The following TSNARE1 variants were observed in gnomAD, a reference collection of about 807,000 sequenced individuals.
TSNARE1 encodes the protein t-SNARE domain-containing protein 1.
TSNARE1 carries 49 observed loss-of-function variants against 62.0 expected under a neutral mutation model. That is an observed-to-expected ratio of 0.79 (90% CI 0.63 to 1.00). The LOEUF is 1.00. Among genes scored for constraint, TSNARE1 ranks in the 50% least tolerant of loss-of-function variants. TSNARE1 has a pLI of 0.00. For synonymous variants in TSNARE1, 328 were observed against 294.4 expected (o/e 1.11, Z -1.17); for missense variants, 755 against 700.1 (o/e 1.08, Z -0.88).
At chr8:142,322,671 C>T (rs1204925269) in intron 6 of TSNARE1, among the ~76,000 whole-genome samples, 4 of 152,106 alleles carry the variant, frequency 2.6e-5, no homozygotes, top group Admixed American at 6.5e-5. Context: ...AGCCTGTGTC[C>T]GTGGGCTGGA....
At chr8:142,313,194 CTG>C (rs1186868727) in intron 9 of TSNARE1, among the ~76,000 whole-genome samples, 2 of 152,002 alleles carry the variant, frequency 1.3e-5, no homozygotes, top group South Asian at 2.1e-4. Context: ...GTCTACATGT[CTG>C]TGTTTATCTG....
chr8:142,375,298 G>A (rs1836246280), intron 1 of TSNARE1, among the ~76,000 whole-genome samples: 1 of 152,256 alleles, frequency 6.6e-6, no homozygotes, highest in African/African-American at 2.4e-5. Flanking sequence ...CACACCCAGG[G>A]CCTGGCCTGT....
chr8:142,387,144 T>A (rs1837166623), intron 1 of TSNARE1, among the ~76,000 whole-genome samples: 1 of 152,184 alleles, frequency 6.6e-6, no homozygotes, highest in Admixed American at 6.5e-5. Flanking sequence ...ACTGGAATAG[T>A]AACAAAATCA....
chr8:142,362,461 G>A (rs1835235975), intron 1 of TSNARE1, among the ~76,000 whole-genome samples: 1 of 152,188 alleles, frequency 6.6e-6, no homozygotes, highest in African/African-American at 2.4e-5. Flanking sequence ...ACTTTCTGCT[G>A]CTGTAACAGA....
At chr8:142,266,255 A>G (rs1366847264) in intron 12 of TSNARE1, among the ~76,000 whole-genome samples, 1 of 152,252 alleles carries the variant, frequency 6.6e-6, no homozygotes, top group East Asian at 1.9e-4. Context: ...ACATTCTAGT[A>G]ATTATGGACT....
chr8:142,328,535 T>C (rs907598925), intron 6 of TSNARE1, among the ~76,000 whole-genome samples: 1 of 152,074 alleles, frequency 6.6e-6, no homozygotes, highest in African/African-American at 2.4e-5. Flanking sequence ...GTGGCAGGAG[T>C]GCTAACAGGC....
intron 11 of TSNARE1, chr8:142,275,085 G>T: frequency 1.0e-6 from 1 of 985,414 alleles, no homozygotes; most frequent in Non-Finnish European, 1.2e-6. Context: ...GTGGCCCAGG[G>T]AAGGGGACTC....
At chr8:142,403,877 A>C (rs1458383421), upstream of TSNARE1, 1 of 152,124 alleles carries the variant, frequency 6.6e-6, no homozygotes. Context: ...GCGGGCACTG[A>C]GCTCCCGAAA....
At chr8:142,267,010 G>A (rs577552490) in intron 12 of TSNARE1, among the ~76,000 whole-genome samples, 23 of 152,128 alleles carry the variant, frequency 1.5e-4, no homozygotes, top group African/African-American at 4.6e-4. Context: ...TTCACAGATC[G>A]GCCTAATCAC....
rs1563762859 is a variant in TSNARE1, at chr8:142,229,495, CAG to C, written c.1529_1530del (p.Ser510CysfsTer76). On this transcript the variant is annotated frameshift_variant, in exon 13 of 14. Transcript: ENST00000524325. LOFTEE classifies it high-confidence loss of function. Reference protein sequence around the residue: ...LLVIIIIIATSVRK With the variant: ...LLVIIIIIATXVRK ...CACCACGGGTAGCATCACTTTCGGA[CAG>C]AGGTGGCGATGATGATGATGATGAC... The C allele has an allele frequency of 2.5e-6, 4 of 1,613,924 alleles. No homozygotes were observed. The highest frequency in any genetic ancestry group is 3.4e-6 in the Non-Finnish European group (4 of 1,180,000).
At chr8:142,273,969 C>T (rs564578716) in intron 12 of TSNARE1, 3 of 985,284 alleles carry the variant, frequency 3.0e-6, no homozygotes, top group African/African-American at 1.7e-5. Context: ...TGCACCATCT[C>T]GTCTGCCAAT....
At chr8:142,331,635 G>T (rs891751555) in intron 5 of TSNARE1, 119 bp downstream of exon 5, 59 of 972,854 alleles carry the variant, frequency 6.1e-5, no homozygotes, top group Middle Eastern at 4.2e-4. Context: ...ACGAAACCCG[G>T]GACTGCACCG....
At chr8:142,227,294 C>T (rs1275510334) in intron 13 of TSNARE1, among the ~76,000 whole-genome samples, 9 of 145,802 alleles carry the variant, frequency 6.2e-5, no homozygotes, top group East Asian at 2.0e-4. Flanking sequence ...ACAACAGTGA[C>T]AGCCAGGACC....
Position 142,268,472 on chromosome 8 carries a change from G to A in TSNARE1, c.1446+6309C>T, listed in dbSNP as rs1016418324. On this transcript the variant is annotated intron_variant, in intron 12 of 13. Transcript: ENST00000524325. ...GTGATTACTGCCAAATCGCCTTGGAGGCCTCTGCTGTCCGTCCTGCAGGGA... is the reference window on the plus strand; with the variant it reads ...GTGATTACTGCCAAATCGCCTTGGAAGCCTCTGCTGTCCGTCCTGCAGGGA... Among the ~76,000 whole-genome samples, 3 of 152,204 alleles carry A rather than the reference G, an allele frequency of 2.0e-5. No homozygotes were observed. The South Asian group carries it at 6.2e-4, about 31-fold the overall frequency.
At chr8:142,375,459 G>C (rs913317075) in intron 1 of TSNARE1, among the ~76,000 whole-genome samples, 3 of 152,218 alleles carry the variant, frequency 2.0e-5, no homozygotes, top group Admixed American at 6.5e-5. Flanking sequence ...CGCAGGCCCT[G>C]GCAGGGCAGG....
intron 1 of TSNARE1, among the ~76,000 whole-genome samples, chr8:142,385,635 C>T (rs1475425897): frequency 1.3e-5 from 2 of 152,100 alleles, no homozygotes; most frequent in East Asian, 3.9e-4. Context: ...TCATTTAAAG[C>T]TGACATTTCA....
At chr8:142,366,095 G>A in intron 1 of TSNARE1, 1 of 310,694 alleles carries the variant, frequency 3.2e-6, no homozygotes, top group South Asian at 2.5e-5. Flanking sequence ...GGAGTGCAGT[G>A]GCACAATCTC....
intron 10 of TSNARE1, among the ~76,000 whole-genome samples, chr8:142,288,578 C>A (rs1297100526): frequency 6.6e-6 from 1 of 152,250 alleles, no homozygotes; most frequent in Non-Finnish European, 1.5e-5. Context: ...AGTGCTGGTG[C>A]CGAGGATGCG....
intron 12 of TSNARE1, among the ~76,000 whole-genome samples, chr8:142,258,288 C>T (rs1404809263): frequency 6.6e-6 from 1 of 152,154 alleles, no homozygotes; most frequent in Non-Finnish European, 1.5e-5. Flanking sequence ...CACACAAATG[C>T]ACACACACAC....
Sources: allele counts gnomAD v4.1 joint callset (sites outside exome capture counted in the v4.1 genomes callset), GRCh38; gene constraint gnomAD v4.1.1; transcripts MANE v1.5; gene names NCBI Gene and HGNC (gene_info 2026-07-23, HGNC 2026-07-21).